The following NUGGC variants were observed in gnomAD, a reference collection of about 807,000 sequenced individuals.
NUGGC encodes the protein nuclear GTPase SLIP-GC.
Under a neutral mutation model 92.6 loss-of-function variants are expected in NUGGC, and 58 were observed. That is an observed-to-expected ratio of 0.63 (90% CI 0.51 to 0.78). The LOEUF (loss-of-function observed/expected upper bound fraction) is 0.78, where lower values mean the gene tolerates loss of function less well. Among genes scored for constraint, NUGGC ranks in the 30% least tolerant of loss-of-function variants. NUGGC has a pLI of 0.00. For missense variants in NUGGC, 925 were observed against 964.6 expected (o/e 0.96, Z 0.54); for synonymous variants, 376 against 366.4 (o/e 1.03, Z -0.30).
At position 28,045,673 on chromosome 8, in the gene NUGGC, G is replaced by T. The variant is rs373559265; in HGVS notation, c.1313-13C>A. The stretch of plus-strand genomic sequence containing the variant: ...AACTTAGGGATTTCTGGAATTCACA[G>T]GCAGCACAAATAATTGTTAAAGGCC... On this transcript the variant is annotated splice_polypyrimidine_tract_variant and intron_variant, in intron 11 of 18. Transcript: ENST00000413272. 6.2e-7 allele frequency: 1 copy of T among 1,606,868 alleles called. No individual in the cohort carries two copies. The highest frequency in any genetic ancestry group is 2.2e-5 in the East Asian group (1 of 44,802).
chr8:28,047,690 C>A, intron 10 of NUGGC, 78 bp from the exon 11 acceptor site: 1 of 827,080 alleles, frequency 1.2e-6, no homozygotes, highest in Non-Finnish European at 1.9e-6. Flanking sequence ...CCCACAAGAG[C>A]CTTCAGCCAA....
At chr8:28,037,002 T>G (rs970303585) in intron 13 of NUGGC, among the ~76,000 whole-genome samples, 1 of 152,152 alleles carries the variant, frequency 6.6e-6, no homozygotes, top group Non-Finnish European at 1.5e-5. Context: ...GAACCACTAT[T>G]GTCTACAGAC....
At chr8:28,060,652 C>A in intron 7 of NUGGC, 51 bp from the exon 8 acceptor site, 1 of 1,545,018 alleles carries the variant, frequency 6.5e-7, no homozygotes. Flanking sequence ...AGTCACAGTT[C>A]CTGAGGACCG....
intron 10 of NUGGC, among the ~76,000 whole-genome samples, chr8:28,051,409 T>C (rs1809998227): frequency 6.6e-6 from 1 of 152,076 alleles, no homozygotes; most frequent in Admixed American, 6.6e-5. Flanking sequence ...TAAAATAAGG[T>C]ATGTTAAAGT....
chr8:28,022,905 T>C lies in NUGGC; in HGVS notation c.*412A>G, dbSNP rs2130041012. On this transcript the variant is annotated 3_prime_UTR_variant, in exon 19 of 19. Coordinates refer to ENST00000413272, the MANE Select transcript of NUGGC (RefSeq NM_001010906.2). ...GGCCAAGATGATGAAACCCCGTCTC[T>C]ACTAAAAATATAAAAATTAACCGGG... is the stretch of plus-strand genomic sequence containing the variant. 6.3e-6 allele frequency: 1 copy of C among 157,660 alleles called. No individual in the cohort carries two copies. Among genetic ancestry groups the C allele is most frequent in the South Asian group, 1.9e-4 (1 of 5,362 alleles). The allele number at this position is 157,660 out of a possible 1,614,324, so 9.8% of individuals were successfully genotyped here.
intron 17 of NUGGC, 97 bp from the exon 18 acceptor site, chr8:28,027,149 G>T (rs950751781): frequency 2.0e-6 from 2 of 986,638 alleles, no homozygotes; most frequent in Non-Finnish European, 3.2e-6. Flanking sequence ...GCCACGGAAG[G>T]TACAGACTGG....
chr8:28,028,310 A>G (rs1364714918), intron 17 of NUGGC, among the ~76,000 whole-genome samples: 1 of 152,230 alleles, frequency 6.6e-6, no homozygotes, highest in Non-Finnish European at 1.5e-5. Context: ...TAAAGGATTG[A>G]AACTAAACTG....
At chr8:28,045,135 C>T (rs932352604) in intron 12 of NUGGC, among the ~76,000 whole-genome samples, 4 of 152,208 alleles carry the variant, frequency 2.6e-5, no homozygotes, top group Non-Finnish European at 5.9e-5. Context: ...GCACCAGAGA[C>T]AGATGAAATA....
intron 16 of NUGGC, among the ~76,000 whole-genome samples, chr8:28,029,953 C>T (rs1022588021): frequency 6.6e-6 from 1 of 152,130 alleles, no homozygotes; most frequent in African/African-American, 2.4e-5. Context: ...ACGACAGAGC[C>T]ACCAAAACAG....
chr8:28,024,392 G>A, intron 18 of NUGGC, among the ~76,000 whole-genome samples: 1 of 152,000 alleles, frequency 6.6e-6, no homozygotes. Flanking sequence ...GCCTGGTTCT[G>A]CAGGGATGGC....
chr8:28,069,828 C>T (rs1810541928), intron 3 of NUGGC, 176 bp from the exon 4 acceptor site: 3 of 590,024 alleles, frequency 5.1e-6, no homozygotes, highest in African/African-American at 3.7e-5. Flanking sequence ...CTGGAGATAG[C>T]AATCATTGGT....
In NUGGC at chr8:28,047,625, A is replaced by G. The variant is rs753320147; in HGVS notation, c.1207-13T>C. ...CTGGCAGTTTTCTCTGAAGTGAGAG[A>G]GTCACACAGAAAACAGAATAACTCA... On this transcript the variant is annotated splice_polypyrimidine_tract_variant and intron_variant, in intron 10 of 18. Coordinates refer to ENST00000413272, the MANE Select transcript of NUGGC (RefSeq NM_001010906.2). The G allele has an allele frequency of 2.8e-5, 42 of 1,490,510 alleles. 1 individual carries two copies. Among genetic ancestry groups the G allele is most frequent in the Non-Finnish European group, 3.8e-5 (42 of 1,091,668 alleles). 92.3% of individuals were successfully genotyped at this position (1,490,510 alleles called of 1,614,324 possible). A position where few individuals can be genotyped will look rare whatever the true frequency, so the allele number is the denominator to read the frequency against.
intron 15 of NUGGC, 136 bp from the exon 16 acceptor site, chr8:28,030,554 AC>A (rs964557008): frequency 4.6e-6 from 3 of 646,110 alleles, no homozygotes; most frequent in Admixed American, 2.2e-5. Flanking sequence ...CATCTCCACA[AC>A]TAGGCTGTGA....
intron 18 of NUGGC, among the ~76,000 whole-genome samples, chr8:28,024,055 C>A (rs767959327): frequency 6.6e-6 from 1 of 152,126 alleles, no homozygotes; most frequent in East Asian, 1.9e-4. Context: ...TGGAGTTTTG[C>A]TCTTGTCACC....
At chr8:28,057,826 G>A (rs1311507292) in intron 9 of NUGGC, among the ~76,000 whole-genome samples, 2 of 152,134 alleles carry the variant, frequency 1.3e-5, no homozygotes, top group African/African-American at 4.8e-5. Flanking sequence ...ATTGAGCAGG[G>A]AGTTGGCACA....
Position 28,041,107 on chromosome 8 carries a change from C to T in NUGGC, c.1555G>A (p.Glu519Lys). Residue 519 changes from glutamate to lysine, a missense_variant, in exon 13 of 19, where the codon GAA becomes AAA. Glu to Lys is a moderately conservative substitution (Grantham distance 56, BLOSUM62 1). Transcript: ENST00000413272. ...CFACMEQPLQ[E>K]GVRTARTSYR... Reference sequence around the variant, plus strand: ...GAAGTCCTGGCGGTCCTGACCCCTTCTTGCAGAGGCTGCTCCATGCAGGCG... The same window carrying T: ...GAAGTCCTGGCGGTCCTGACCCCTTTTTGCAGAGGCTGCTCCATGCAGGCG... 6.2e-7 allele frequency: 1 copy of T among 1,608,272 alleles called. No individual in the cohort carries two copies. The highest frequency in any genetic ancestry group is 8.5e-7 in the Non-Finnish European group (1 of 1,177,580).
At chr8:28,055,136 C>G (rs1326159959) in intron 10 of NUGGC, among the ~76,000 whole-genome samples, 2 of 151,220 alleles carry the variant, frequency 1.3e-5, no homozygotes, top group African/African-American at 4.9e-5. Context: ...ACCTGTAATC[C>G]CAGCTACTCA....
At chr8:28,082,855 A>T (rs1055194511) in intron 1 of NUGGC, among the ~76,000 whole-genome samples, 4 of 152,158 alleles carry the variant, frequency 2.6e-5, no homozygotes, top group Non-Finnish European at 5.9e-5. Flanking sequence ...ACAGTGAGCC[A>T]TGTTCATACC....
chr8:28,068,773 G>T (rs1301743001), intron 4 of NUGGC, among the ~76,000 whole-genome samples: 1 of 152,040 alleles, frequency 6.6e-6, no homozygotes, highest in Admixed American at 6.6e-5. Context: ...ATCTCACTTT[G>T]TCACCCAGGC....
Sources: allele counts gnomAD v4.1 joint callset (sites outside exome capture counted in the v4.1 genomes callset), GRCh38; gene constraint gnomAD v4.1.1; transcripts MANE v1.5; gene names NCBI Gene and HGNC (gene_info 2026-07-23, HGNC 2026-07-21).